Variants in SAMMSON observed in about 807,000 individuals in gnomAD.
SAMMSON encodes survival associated mitochondrial melanoma specific oncogenic non-coding RNA.
At chr3:70,406,277 T>C (rs1349123633) in intron 2 of SAMMSON, among the ~76,000 whole-genome samples, 1 of 152,142 alleles carries the variant, frequency 6.6e-6, no homozygotes, top group Non-Finnish European at 1.5e-5. Flanking sequence ...AAAAACCTCA[T>C]TTAAGTGCTG....
intron 4 of SAMMSON, chr3:70,125,342 T>G: frequency 6.9e-7 from 1 of 1,451,640 alleles, no homozygotes; most frequent in Non-Finnish European, 9.5e-7. Flanking sequence ...TTTAGCTAAA[T>G]TCTTTACATA....
At chr3:70,292,000 A>G (rs933149592) in intron 7 of SAMMSON, 2 of 152,230 alleles carry the variant, frequency 1.3e-5, no homozygotes, top group East Asian at 1.9e-4. Context: ...CATATACAAG[A>G]CACGATGGTT....
At chr3:70,010,817 G>A (rs1451811148) in intron 1 of SAMMSON, among the ~76,000 whole-genome samples, 2 of 152,154 alleles carry the variant, frequency 1.3e-5, no homozygotes, top group Non-Finnish European at 2.9e-5. Context: ...AGGAGCAGCA[G>A]GCACCTTCTT....
At chr3:70,162,874 T>G (rs1213208231) in intron 4 of SAMMSON, among the ~76,000 whole-genome samples, 1 of 152,002 alleles carries the variant, frequency 6.6e-6, no homozygotes, top group African/African-American at 2.4e-5. Context: ...TTGATTAGTT[T>G]ATCATTATAA....
chr3:70,306,582 AT>A (rs927553365), intron 7 of SAMMSON, among the ~76,000 whole-genome samples: 6 of 151,398 alleles, frequency 4.0e-5, no homozygotes, highest in Middle Eastern at 3.4e-3. Context: ...CCCACCCCCT[AT>A]TTTTTTTATC....
At chr3:70,143,309 A>T (rs1469735103) in intron 4 of SAMMSON, among the ~76,000 whole-genome samples, 1 of 152,130 alleles carries the variant, frequency 6.6e-6, no homozygotes, top group East Asian at 1.9e-4. Flanking sequence ...AAAAAAAAAA[A>T]AAAATACACG....
At chr3:70,364,181 C>A (rs918471489) in intron 9 of SAMMSON, among the ~76,000 whole-genome samples, 1 of 151,864 alleles carries the variant, frequency 6.6e-6, no homozygotes. Context: ...CCAGTGCCCA[C>A]TAGTTGTCCT....
intron 4 of SAMMSON, among the ~76,000 whole-genome samples, chr3:70,072,860 T>C (rs551954058): frequency 6.6e-6 from 1 of 152,110 alleles, no homozygotes; most frequent in Non-Finnish European, 1.5e-5. Context: ...AGATTGAAAC[T>C]TATCATTTCT....
At chr3:70,236,778 T>G (rs1364371651) in intron 4 of SAMMSON, among the ~76,000 whole-genome samples, 1 of 152,122 alleles carries the variant, frequency 6.6e-6, no homozygotes, top group Middle Eastern at 3.2e-3. Flanking sequence ...ACTTTTTTTG[T>G]AGGAATGGGG....
intron 4 of SAMMSON, among the ~76,000 whole-genome samples, chr3:70,089,632 G>A (rs1368305977): frequency 6.6e-6 from 1 of 152,036 alleles, no homozygotes; most frequent in African/African-American, 2.4e-5. Context: ...TCTCCATTGG[G>A]AAAATGCGTG....
intron 3 of SAMMSON, among the ~76,000 whole-genome samples, chr3:70,039,458 C>T (rs888354846): frequency 6.6e-6 from 1 of 151,994 alleles, no homozygotes. Context: ...AGGGAATTCT[C>T]CTACAGACTG....
rs193182511 is a variant in SAMMSON, at chr3:70,119,108, C to G, written n.507+47543C>G. On this transcript the variant is annotated intron_variant and non_coding_transcript_variant, in intron 4 of 9. Coordinates refer to ENST00000642114, the Ensembl canonical transcript of SAMMSON. Reference sequence around the variant, plus strand: ...TGAGACGGAGTTTCGCTCTTGTTACCCAAGCTGGAGTGCCATGGCGTGATG... The same window carrying G: ...TGAGACGGAGTTTCGCTCTTGTTACGCAAGCTGGAGTGCCATGGCGTGATG... Among the ~76,000 whole-genome samples, 223 of 151,916 alleles carry G rather than the reference C, an allele frequency of 1.5e-3. 1 individual carries two copies. The East Asian group carries it at 0.041, about 28-fold the overall frequency.
At chr3:70,411,695 G>A (rs1212118405) in intron 2 of SAMMSON, among the ~76,000 whole-genome samples, 1 of 152,080 alleles carries the variant, frequency 6.6e-6, no homozygotes, top group Non-Finnish European at 1.5e-5. Flanking sequence ...AGAACTGATG[G>A]TTTTATAAAT....
chr3:70,047,331 C>CCCTTT, intron 3 of SAMMSON, among the ~76,000 whole-genome samples: 1 of 148,902 alleles, frequency 6.7e-6, no homozygotes, highest in African/African-American at 2.5e-5. Flanking sequence ...CTCTCTCTCT[C>CCCTTT]TCTTTTTTTT....
chr3:70,191,593 C>T (rs996221823), intron 4 of SAMMSON, among the ~76,000 whole-genome samples: 1 of 152,166 alleles, frequency 6.6e-6, no homozygotes, highest in African/African-American at 2.4e-5. Context: ...ATCTTAAAAG[C>T]ATTTTGAAGA....
intron 4 of SAMMSON, among the ~76,000 whole-genome samples, chr3:70,187,424 A>G (rs1474547285): frequency 8.2e-6 from 1 of 121,804 alleles, no homozygotes; most frequent in Non-Finnish European, 1.7e-5. Flanking sequence ...TCTGGGACCA[A>G]CTCTTTTTTT....
At chr3:70,399,880 A>T (rs1701125283) in intron 2 of SAMMSON, among the ~76,000 whole-genome samples, 2 of 149,468 alleles carry the variant, frequency 1.3e-5, no homozygotes, top group Non-Finnish European at 2.9e-5. Flanking sequence ...AAAAAAAACA[A>T]AAAAACCCAC....
At chr3:70,290,420 C>G (rs1233428779) in intron 6 of SAMMSON, among the ~76,000 whole-genome samples, 1 of 152,214 alleles carries the variant, frequency 6.6e-6, no homozygotes, top group African/African-American at 2.4e-5. Context: ...TGCCCCTTCT[C>G]AGATCTCCAG....
At chr3:70,336,580 T>C (rs11714253) in intron 7 of SAMMSON, among the ~76,000 whole-genome samples, 92,446 of 151,684 alleles carry the variant, frequency 0.61, 28,676 homozygotes, top group Non-Finnish European at 0.66. Context: ...GTTCTTTGGA[T>C]TGGTAAGGAC....
Sources: allele counts gnomAD v4.1 joint callset (sites outside exome capture counted in the v4.1 genomes callset), GRCh38; gene constraint gnomAD v4.1.1; transcripts MANE v1.5; gene names NCBI Gene and HGNC (gene_info 2026-07-23, HGNC 2026-07-21).